GPC6: variants seen among roughly 807,000 people sequenced by gnomAD.
GPC6 encodes glypican 6, also known as glypican-6.
Under a neutral mutation model 55.2 loss-of-function variants are expected in GPC6, and 14 were observed. The ratio of observed to expected loss-of-function variants is 0.25; its 90% confidence interval spans 0.17 to 0.40. GPC6 has a LOEUF of 0.40. Among genes scored for constraint, GPC6 ranks in the 10% least tolerant of loss-of-function variants. GPC6 has a pLI of 1.00. For missense variants in GPC6, 641 were observed against 708.5 expected, an observed-to-expected ratio of 0.90 and a Z score of 1.08; for synonymous variants, 278 against 259.6, an observed-to-expected ratio of 1.07 and a Z score of -0.68.
chr13:94,312,625 T>C (rs1471632322), intron 6 of GPC6, among the ~76,000 whole-genome samples: 2 of 152,168 alleles, frequency 1.3e-5, no homozygotes, highest in African/African-American at 4.8e-5. Context: ...TGCTTTATTA[T>C]CTAGACCTTC....
chr13:93,829,751 A>T (rs1887409812), intron 2 of GPC6, among the ~76,000 whole-genome samples: 1 of 152,230 alleles, frequency 6.6e-6, no homozygotes, highest in African/African-American at 2.4e-5. Context: ...GTTAGGACAA[A>T]TTTATAAATA....
intron 7 of GPC6, among the ~76,000 whole-genome samples, chr13:94,393,991 G>T (rs547335745): frequency 6.6e-6 from 1 of 152,232 alleles, no homozygotes; most frequent in African/African-American, 2.4e-5. Context: ...GGATGGTCCT[G>T]TTTAATATCT....
chr13:93,960,908 G>T (rs938361029), intron 3 of GPC6, among the ~76,000 whole-genome samples: 2 of 151,008 alleles, frequency 1.3e-5, no homozygotes, highest in Non-Finnish European at 2.9e-5. Context: ...CGCCTCCCAG[G>T]TTCATGCCAT....
chr13:94,061,148 A>C (rs1884308586), intron 4 of GPC6, among the ~76,000 whole-genome samples: 1 of 152,198 alleles, frequency 6.6e-6, no homozygotes, highest in African/African-American at 2.4e-5. Context: ...TTGTAAAATA[A>C]ATGTAATTGT....
chr13:94,072,077 T>C (rs1018326066), intron 4 of GPC6, among the ~76,000 whole-genome samples: 3 of 152,188 alleles, frequency 2.0e-5, no homozygotes, highest in Non-Finnish European at 4.4e-5. Flanking sequence ...ATTATTTTCC[T>C]CTGAAGACGT....
intron 2 of GPC6, among the ~76,000 whole-genome samples, chr13:93,622,762 A>G (rs568663863): frequency 6.6e-6 from 1 of 152,304 alleles, no homozygotes; most frequent in African/African-American, 2.4e-5. Context: ...AGGTGAGAAC[A>G]TTCAAAATTA....
At chr13:93,984,007 T>C (rs922706442) in intron 3 of GPC6, among the ~76,000 whole-genome samples, 9 of 152,160 alleles carry the variant, frequency 5.9e-5, no homozygotes, top group Non-Finnish European at 1.3e-4. Flanking sequence ...GCATCATTCT[T>C]TTGGAATTTT....
chr13:93,526,728 T>C (rs1459016073), intron 1 of GPC6, among the ~76,000 whole-genome samples: 1 of 152,108 alleles, frequency 6.6e-6, no homozygotes, highest in African/African-American at 2.4e-5. Flanking sequence ...TTAAAAAGTC[T>C]CAGTTCAAGA....
At chr13:93,413,222 G>A (rs914595824) in intron 1 of GPC6, among the ~76,000 whole-genome samples, 1 of 152,142 alleles carries the variant, frequency 6.6e-6, no homozygotes, top group Admixed American at 6.6e-5. Context: ...TACACTTATG[G>A]TGTCTCTAGC....
chr13:93,710,377 G>A (rs1332020106), intron 2 of GPC6, among the ~76,000 whole-genome samples: 2 of 151,778 alleles, frequency 1.3e-5, no homozygotes, highest in Non-Finnish European at 2.9e-5. Context: ...AGCACTAGGA[G>A]TTGGGAAATT....
At chr13:93,282,562 C>A (rs574308431) in intron 1 of GPC6, among the ~76,000 whole-genome samples, 1 of 150,954 alleles carries the variant, frequency 6.6e-6, no homozygotes, top group East Asian at 1.9e-4. Flanking sequence ...TCTCCACTTA[C>A]TCTCCTTAAA....
chr13:93,468,673 A>G (rs1161767427), intron 1 of GPC6, among the ~76,000 whole-genome samples: 2 of 152,170 alleles, frequency 1.3e-5, no homozygotes, highest in Admixed American at 6.5e-5. Flanking sequence ...AAGAGCATGC[A>G]TAATATTCAG....
At chr13:93,672,380 G>A (rs1594359865) in intron 2 of GPC6, among the ~76,000 whole-genome samples, 1 of 152,002 alleles carries the variant, frequency 6.6e-6, no homozygotes, top group East Asian at 1.9e-4. Flanking sequence ...TTTTTACCAC[G>A]GATATTAGTT....
chr13:94,321,619 T>C (rs1876830811), intron 6 of GPC6, among the ~76,000 whole-genome samples: 2 of 152,210 alleles, frequency 1.3e-5, no homozygotes, highest in Non-Finnish European at 2.9e-5. Flanking sequence ...AGCAGAGCAT[T>C]GGAACGGTTA....
In GPC6 at chr13:93,613,838, A is replaced by G. The variant is rs117830433; in HGVS notation, c.319+68417A>G. Among the ~76,000 whole-genome samples the G allele has an allele frequency of 7.0e-3, 1,072 of 152,312 alleles. 6 individuals are homozygous for G. The highest frequency in any genetic ancestry group is 0.014 in the Middle Eastern group (4 of 294). ...CCCACAACCCTGGATGTCACTTCGT[A>G]GAGGGCCAGTCCTCCCTAAAATGTG... On this transcript the variant is annotated intron_variant, in intron 2 of 8. Coordinates refer to ENST00000377047, the MANE Select transcript of GPC6 (RefSeq NM_005708.5).
At chr13:94,273,658 T>C (rs139200258) in intron 4 of GPC6, among the ~76,000 whole-genome samples, 1 of 152,182 alleles carries the variant, frequency 6.6e-6, no homozygotes, top group Non-Finnish European at 1.5e-5. Context: ...GTGTACCAGA[T>C]GGAGTGAGAG....
intron 1 of GPC6, among the ~76,000 whole-genome samples, chr13:93,490,815 C>T (rs1189308364): frequency 1.9e-5 from 2 of 107,504 alleles, no homozygotes; most frequent in East Asian, 6.1e-4. Flanking sequence ...TGATGGTTTC[C>T]AATTTCATCC....
At chr13:94,308,557 A>G (rs1464838982) in intron 6 of GPC6, among the ~76,000 whole-genome samples, 1 of 152,244 alleles carries the variant, frequency 6.6e-6, no homozygotes. Flanking sequence ...CTCTGTGCCT[A>G]AGTATTTAAA....
chr13:93,895,744 A>C (rs1240388731), intron 3 of GPC6, among the ~76,000 whole-genome samples: 1 of 152,078 alleles, frequency 6.6e-6, no homozygotes, highest in East Asian at 1.9e-4. Context: ...TGCAAGAAAT[A>C]ATTCTCTGTT....
Sources: gnomAD v4.1 joint callset for allele counts (sites outside exome capture counted in the v4.1 genomes callset) on GRCh38, gnomAD v4.1.1 for gene constraint, MANE v1.5 for transcripts, NCBI Gene and HGNC (gene_info 2026-07-23, HGNC 2026-07-21) for gene names.